Variants in NEK6 observed in about 807,000 individuals in gnomAD.
NEK6 encodes the protein NIMA related kinase 6.
A neutral mutation model predicts 43.5 loss-of-function variants in NEK6; 27 were observed. That is an observed-to-expected ratio of 0.62 (90% confidence interval 0.46 to 0.86). The LOEUF is 0.86. NEK6 is among the 40% of genes least tolerant of loss of function. The pLI is 0.00. For synonymous variants in NEK6, 167 were observed against 164.1 expected, an observed-to-expected ratio of 1.02 and a Z score of -0.14; for missense variants, 318 against 414.4, an observed-to-expected ratio of 0.77 and a Z score of 2.02.
chr9:124,341,209 AT>A (rs575117564), intron 8 of NEK6, among the ~76,000 whole-genome samples: 19 of 151,954 alleles, frequency 1.3e-4, no homozygotes, highest in Non-Finnish European at 1.6e-4. Context: ...CACCCGGCAA[AT>A]TTTCGTATTT....
At position 124,313,940 on chromosome 9, in the gene NEK6, C is replaced by T. The variant is rs141841414; in HGVS notation, c.249C>T (p.Asp83=). The T allele has an allele frequency of 1.3e-4, 213 of 1,614,164 alleles. No homozygotes were observed. The highest frequency in any genetic ancestry group is 1.6e-4 in the Middle Eastern group (1 of 6,062). The change falls in exon 4 of 10, where the codon GAC becomes GAT. Residue 83 remains aspartate (D), a synonymous_variant. Transcript: ENST00000320246. ...LKKVQIFEMM[D]AKARQDCVKE... ...CGCCCAAGATCTTTGAGATGATGGA[C>T]GCCAAGGCGAGGCAGGACTGTGTCA...
chr9:124,270,540 A>T (rs1399331369), intron 1 of NEK6, among the ~76,000 whole-genome samples: 1 of 151,944 alleles, frequency 6.6e-6, no homozygotes, highest in African/African-American at 2.4e-5. Context: ...AAAACACAAA[A>T]GTTTTTTCCT....
intron 4 of NEK6, among the ~76,000 whole-genome samples, chr9:124,320,660 C>T (rs1461420952): frequency 6.6e-6 from 1 of 152,230 alleles, no homozygotes; most frequent in Non-Finnish European, 1.5e-5. Context: ...GCCTGACTTC[C>T]AGCCAGGGGG....
chr9:124,276,196 C>G (rs990071159), intron 1 of NEK6, among the ~76,000 whole-genome samples: 1 of 152,078 alleles, frequency 6.6e-6, no homozygotes, highest in Non-Finnish European at 1.5e-5. Context: ...ACCTGGAGAC[C>G]CCTGGATCAG....
At chr9:124,303,119 A>G (rs1588483819) in intron 2 of NEK6, among the ~76,000 whole-genome samples, 1 of 152,238 alleles carries the variant, frequency 6.6e-6, no homozygotes, top group East Asian at 1.9e-4. Context: ...TGGAAGTGGC[A>G]TGCAAAGGCC....
chr9:124,290,042 C>G (rs778444055), intron 1 of NEK6, among the ~76,000 whole-genome samples: 9 of 152,270 alleles, frequency 5.9e-5, no homozygotes, highest in Non-Finnish European at 1.3e-4. Flanking sequence ...CAGGAAGGTG[C>G]AGGGGTTGCC....
At chr9:124,273,811 TTTG>T (rs1234006678) in intron 1 of NEK6, among the ~76,000 whole-genome samples, 7 of 152,126 alleles carry the variant, frequency 4.6e-5, no homozygotes, top group Non-Finnish European at 8.8e-5. Context: ...TACGGGTTTT[TTTG>T]TTGTTGTTGT....
intron 8 of NEK6, among the ~76,000 whole-genome samples, chr9:124,342,931 G>A (rs781427705): frequency 5.9e-5 from 9 of 152,216 alleles, no homozygotes; most frequent in Non-Finnish European, 1.2e-4. Flanking sequence ...CCCTCTGCCT[G>A]TGCCAGGCCC....
chr9:124,322,037 C>T (rs1834093018), intron 5 of NEK6, among the ~76,000 whole-genome samples: 1 of 152,210 alleles, frequency 6.6e-6, no homozygotes, highest in Non-Finnish European at 1.5e-5. Context: ...AGATCCACTA[C>T]CTCATTTTAA....
At chr9:124,318,456 CA>C (rs1833921747) in intron 4 of NEK6, among the ~76,000 whole-genome samples, 2 of 152,100 alleles carry the variant, frequency 1.3e-5, no homozygotes, top group African/African-American at 4.8e-5. Flanking sequence ...AGGCTGTTCT[CA>C]AACTCCTGGG....
chr9:124,280,791 C>G (rs1831869492), intron 1 of NEK6, among the ~76,000 whole-genome samples: 1 of 152,098 alleles, frequency 6.6e-6, no homozygotes, highest in South Asian at 2.1e-4. Context: ...GCTTTTTTCT[C>G]TTCATTTTTT....
rs1829741008 is a variant in NEK6, at chr9:124,343,219, C to A, written c.717+3554C>A. Among the ~76,000 whole-genome samples the A allele has an allele frequency of 3.3e-5, 5 of 150,186 alleles. No homozygotes were observed. In the South Asian group the frequency reaches 1.1e-3, roughly 32 times the overall value. On this transcript the variant is annotated intron_variant, in intron 8 of 9. Transcript: ENST00000320246. The surrounding 1 kb of genome is among the most constrained non-coding windows in gnomAD (Gnocchi z 5.1). ...GCGGCTCGCAGCTGGGGGGGCTGGACCACAGCCGGGGGGCGGTGAGGGGAC... is the reference window on the plus strand; with the variant it reads ...GCGGCTCGCAGCTGGGGGGGCTGGAACACAGCCGGGGGGCGGTGAGGGGAC...
At chr9:124,289,400 C>T (rs994926406) in intron 1 of NEK6, among the ~76,000 whole-genome samples, 11 of 152,192 alleles carry the variant, frequency 7.2e-5, no homozygotes, top group African/African-American at 2.7e-4. Context: ...GTCTGCCTTC[C>T]AGGGTTGTTT....
chr9:124,321,596 T>C, intron 5 of NEK6, 27 bp downstream of exon 5: 1 of 1,412,880 alleles, frequency 7.1e-7, no homozygotes, highest in Non-Finnish European at 1.0e-6. Flanking sequence ...GTGGGGGTGC[T>C]GGGGGCTGCG....
intron 1 of NEK6, among the ~76,000 whole-genome samples, chr9:124,286,861 T>C (rs1194421233): frequency 6.6e-6 from 1 of 152,190 alleles, no homozygotes; most frequent in Admixed American, 6.5e-5. Context: ...TGAGCTTTAG[T>C]TCCTTATCTG....
intron 1 of NEK6, among the ~76,000 whole-genome samples, chr9:124,298,975 G>A (rs182640084): frequency 6.6e-6 from 1 of 152,372 alleles, no homozygotes; most frequent in Admixed American, 6.5e-5. Flanking sequence ...TCCTGAGAGT[G>A]TGCAGACCAT....
rs73586228 is a variant in NEK6, at chr9:124,349,581, A to G, written c.832-1256A>G. Among the ~76,000 whole-genome samples the G allele has an allele frequency of 4.5e-3, 685 of 152,380 alleles. 7 individuals carry two copies. The highest frequency in any genetic ancestry group is 0.016 in the African/African-American group (656 of 41,588). On this transcript the variant is annotated intron_variant, in intron 9 of 9. Coordinates refer to ENST00000320246, the MANE Select transcript of NEK6 (RefSeq NM_014397.6). ...CTATTTTAAAGTTATATCGCTGCTTAGAAATGAAAATAAGACACTTTTATT... is the reference window on the plus strand; with the variant it reads ...CTATTTTAAAGTTATATCGCTGCTTGGAAATGAAAATAAGACACTTTTATT...
chr9:124,290,158 A>G (rs1265646834), intron 1 of NEK6, among the ~76,000 whole-genome samples: 2 of 152,358 alleles, frequency 1.3e-5, no homozygotes, highest in Non-Finnish European at 2.9e-5. Flanking sequence ...TGAGGTGTGC[A>G]CAGCCACGTG....
At chr9:124,323,332 G>A (rs1432561193) in intron 5 of NEK6, among the ~76,000 whole-genome samples, 1 of 152,222 alleles carries the variant, frequency 6.6e-6, no homozygotes, top group Non-Finnish European at 1.5e-5. Context: ...GAGCTGAGAT[G>A]GAGACCACCG....
Sources: allele counts gnomAD v4.1 joint callset (sites outside exome capture counted in the v4.1 genomes callset), GRCh38; gene constraint gnomAD v4.1.1; non-coding constraint Gnocchi (gnomAD v3.1); transcripts MANE v1.5; gene names NCBI Gene and HGNC (gene_info 2026-07-23, HGNC 2026-07-21).